Variants in DHRS7B observed in about 807,000 individuals in gnomAD.
The protein encoded by DHRS7B is dehydrogenase/reductase 7B, also known as peroxisomal reductase activating PPAR-gamma.
DHRS7B carries 24 observed loss-of-function variants against 26.4 expected under a neutral mutation model. The observed-to-expected ratio is 0.91, with a 90% CI of 0.66 to 1.28. The LOEUF (loss-of-function observed/expected upper bound fraction) is 1.28, where lower values mean the gene tolerates loss of function less well. Among genes scored for constraint, DHRS7B ranks in the 50% most tolerant of loss-of-function variants. The pLI is 0.00. For missense variants in DHRS7B, 368 were observed against 419.4 expected (o/e 0.88, Z 1.07); for synonymous variants, 142 against 166.4 (o/e 0.85, Z 1.13).
chr17:21,169,799 C>T (rs772459900), intron 1 of DHRS7B, among the ~76,000 whole-genome samples: 12 of 152,252 alleles, frequency 7.9e-5, no homozygotes, highest in East Asian at 1.9e-4. Context: ...CCACCCAACA[C>T]GCCTAGTGGG....
At chr17:21,152,692 C>T (rs1973798279) in intron 1 of DHRS7B, among the ~76,000 whole-genome samples, 1 of 152,212 alleles carries the variant, frequency 6.6e-6, no homozygotes. Context: ...AATGCCTGCC[C>T]TCAGGAGAAA....
At position 21,190,937 on chromosome 17, in the gene DHRS7B, A is replaced by G; in HGVS notation, c.773-11A>G. On this transcript the variant is annotated splice_polypyrimidine_tract_variant and intron_variant, in intron 6 of 6. Coordinates refer to ENST00000395511, the MANE Select transcript of DHRS7B (RefSeq NM_015510.5). ...CAAGTTCATGTGTTTCTTTTGTTTT[A>G]TTTATTTTAGTTATGGACACCACCA... is the stretch of plus-strand genomic sequence containing the variant. 1 of 1,613,136 alleles carries G rather than the reference A, an allele frequency of 6.2e-7. No homozygotes were observed. Among genetic ancestry groups the G allele is most frequent in the Non-Finnish European group, 8.5e-7 (1 of 1,179,776 alleles).
intron 6 of DHRS7B, among the ~76,000 whole-genome samples, chr17:21,190,612 C>T (rs1047350105): frequency 2.0e-5 from 3 of 152,258 alleles, no homozygotes; most frequent in African/African-American, 7.2e-5. Flanking sequence ...CTGAAGCCCC[C>T]ACCCCGGGCT....
At chr17:21,132,190 T>C (rs2143853583) in intron 1 of DHRS7B, among the ~76,000 whole-genome samples, 1 of 151,898 alleles carries the variant, frequency 6.6e-6, no homozygotes, top group South Asian at 2.1e-4. Flanking sequence ...AACAGCAAAG[T>C]GACATACAGA....
intron 1 of DHRS7B, among the ~76,000 whole-genome samples, chr17:21,158,973 AT>A (rs1973938094): frequency 6.6e-6 from 1 of 151,750 alleles, no homozygotes; most frequent in Non-Finnish European, 1.5e-5. Context: ...AAAAAAAAAA[AT>A]CTAAACACAG....
chr17:21,138,287 G>A (rs1973412525), intron 1 of DHRS7B, among the ~76,000 whole-genome samples: 1 of 128,450 alleles, frequency 7.8e-6, no homozygotes, highest in Non-Finnish European at 1.6e-5. Flanking sequence ...CGCGATCTTG[G>A]CTCACTGCAA....
chr17:21,188,816 C>G lies in DHRS7B; in HGVS notation c.725C>G (p.Thr242Ser), dbSNP rs1174845980. Residue 242 changes from threonine (T) to serine (S), a missense_variant, in exon 6 of 7, where the codon ACC becomes AGC. Physicochemically the swap from Thr to Ser is moderately conservative, Grantham distance 58 (BLOSUM62 1). Coordinates refer to ENST00000395511, the MANE Select transcript of DHRS7B (RefSeq NM_015510.5). The part of the protein sequence containing the change: ...VTVISPGYIH[T>S]NLSVNAITAD... ...GTCATCAGCCCCGGCTACATCCACA[C>G]CAACCTCTCTGTAAATGCCATCACC... 2 of 1,614,222 alleles carry G rather than the reference C, an allele frequency of 1.2e-6. No homozygotes were observed. The highest frequency in any genetic ancestry group is 1.7e-5 in the Admixed American group (1 of 60,030).
chr17:21,185,192 C>A lies in DHRS7B; in HGVS notation c.619+729C>A, dbSNP rs1974604688. Among the ~76,000 whole-genome samples the A allele has an allele frequency of 2.0e-5, 3 of 152,316 alleles. No homozygotes were observed. In the South Asian group the frequency reaches 6.2e-4, roughly 32 times the overall value. On this transcript the variant is annotated intron_variant, in intron 5 of 6. Transcript: ENST00000395511. The stretch of plus-strand genomic sequence containing the variant: ...TTTTAAGGTAATTTCACAAACTGTC[C>A]TTTCTTTGCATCATCTCCCGAAAGG...
In DHRS7B at chr17:21,137,026, G is replaced by A. The variant is rs1468438241; in HGVS notation, c.20+10035G>A. Among the ~76,000 whole-genome samples, 10 of 141,806 alleles carry A rather than the reference G, an allele frequency of 7.1e-5. No homozygotes were observed. In the East Asian group the frequency reaches 1.1e-3, roughly 15 times the overall value. The allele number at this position is 141,806 out of a possible 152,430, so 93.0% of individuals were successfully genotyped here. On this transcript the variant is annotated intron_variant, in intron 1 of 6. Coordinates refer to ENST00000395511, the MANE Select transcript of DHRS7B (RefSeq NM_015510.5). ...CACTCTGTCACCCAGGCTGGAGTGC[G>A]GTGGTGTAATCTCAGCTCACTGCAA...
At chr17:21,190,763 G>A (rs998485520) in intron 6 of DHRS7B, among the ~76,000 whole-genome samples, 185 bp from the exon 7 acceptor site, 1 of 152,202 alleles carries the variant, frequency 6.6e-6, no homozygotes, top group Non-Finnish European at 1.5e-5. Flanking sequence ...GCTGCAAAAT[G>A]GTTCCCTCTT....
At chr17:21,132,540 AAAAAAAAAAC>A (rs932672842) in intron 1 of DHRS7B, among the ~76,000 whole-genome samples, 7 of 145,814 alleles carry the variant, frequency 4.8e-5, no homozygotes, top group African/African-American at 1.3e-4. Flanking sequence ...CAAAAAAAAA[AAAAAAAAAAC>A]AAAAAAAAAA....
chr17:21,180,247 G>A (rs775766114), intron 3 of DHRS7B, among the ~76,000 whole-genome samples: 5 of 151,838 alleles, frequency 3.3e-5, no homozygotes, highest in Non-Finnish European at 5.9e-5. Context: ...GCTAATTTTT[G>A]TATTTTTAGT....
chr17:21,149,727 T>C (rs1031374791), intron 1 of DHRS7B, among the ~76,000 whole-genome samples: 1 of 152,222 alleles, frequency 6.6e-6, no homozygotes, highest in Non-Finnish European at 1.5e-5. Flanking sequence ...ATCTGTGAGA[T>C]ATTTTTTTGT....
chr17:21,127,803 G>C (rs1973133407), intron 1 of DHRS7B: 1 of 152,074 alleles, frequency 6.6e-6, no homozygotes, highest in African/African-American at 2.4e-5. Flanking sequence ...GTAACGTTTG[G>C]GTTTCACACA....
chr17:21,163,977 C>A (rs573274521), intron 1 of DHRS7B, among the ~76,000 whole-genome samples: 2 of 149,684 alleles, frequency 1.3e-5, no homozygotes, highest in South Asian at 4.2e-4. Context: ...GCATGAGCCA[C>A]AGCACCTGGC....
chr17:21,184,662 G>A (rs964525191), intron 5 of DHRS7B, among the ~76,000 whole-genome samples, 199 bp downstream of exon 5: 27 of 152,256 alleles, frequency 1.8e-4, no homozygotes, highest in African/African-American at 5.1e-4. Context: ...TGTGACCTTG[G>A]GCAAGTATCC....
chr17:21,188,744 T>C lies in DHRS7B; in HGVS notation c.653T>C (p.Phe218Ser), dbSNP rs1470740654. ...TCCAAGCACGCAACCCAGGCTTTCTTTGACTGTCTGCGTGCCGAGATGGAA... is the reference window on the plus strand; with the variant it reads ...TCCAAGCACGCAACCCAGGCTTTCTCTGACTGTCTGCGTGCCGAGATGGAA... ...AASKHATQAF[F>S]DCLRAEMEQY... is the part of the protein sequence containing the mutation. The change falls in exon 6 of 7, where the codon TTT becomes TCT. Residue 218 changes from phenylalanine (F) to serine (S), a missense_variant. Phe to Ser is a radical substitution (Grantham distance 155). Coordinates refer to ENST00000395511, the MANE Select transcript of DHRS7B (RefSeq NM_015510.5). 4 of 1,611,168 alleles carry C rather than the reference T, an allele frequency of 2.5e-6. No homozygotes were observed. In the African/African-American group the frequency reaches 5.3e-5, roughly 22 times the overall value.
At chr17:21,166,402 G>A in intron 1 of DHRS7B, 1 of 985,354 alleles carries the variant, frequency 1.0e-6, no homozygotes, top group Non-Finnish European at 1.2e-6. Flanking sequence ...GTGTCCTCTG[G>A]CCCAGGTCAA....
rs534420841 is a variant in DHRS7B at position 21,126,997 on chromosome 17, G to A, written c.20+6G>A. The A allele has an allele frequency of 1.7e-5, 26 of 1,521,228 alleles. No homozygotes were observed. The highest frequency in any genetic ancestry group is 2.0e-5 in the Non-Finnish European group (23 of 1,135,328). The allele number at this position is 1,521,228 out of a possible 1,614,324, so 94.2% of individuals were successfully genotyped here. A position where few individuals can be genotyped will look rare whatever the true frequency, so the allele number is the denominator to read the frequency against. ...ATGGTCTCTCCGGCTACCAGGTAGG[G>A]GCTGGGGAAGAAGGAACCTCCGAGA... On this transcript the variant is annotated splice_donor_region_variant and intron_variant, in intron 1 of 6. Transcript: ENST00000395511.
Sources: gnomAD v4.1 joint callset for allele counts (sites outside exome capture counted in the v4.1 genomes callset) on GRCh38, gnomAD v4.1.1 for gene constraint, MANE v1.5 for transcripts, NCBI Gene and HGNC (gene_info 2026-07-23, HGNC 2026-07-21) for gene names.